Variants in ZC3HAV1 observed in about 807,000 individuals in gnomAD.
ZC3HAV1 encodes the protein zinc finger CCCH-type containing, antiviral 1.
A neutral mutation model predicts 86.6 loss-of-function variants in ZC3HAV1; 41 were observed. The ratio of observed to expected loss-of-function variants is 0.47; its 90% CI spans 0.37 to 0.61. The LOEUF (loss-of-function observed/expected upper bound fraction) is 0.61. Among genes scored for constraint, ZC3HAV1 ranks in the 20% least tolerant of loss-of-function variants. ZC3HAV1 has a pLI of 0.00. For synonymous variants in ZC3HAV1, 421 were observed against 432.1 expected, an observed-to-expected ratio of 0.97 and a Z score of 0.32; for missense variants, 964 against 1,141.1, an observed-to-expected ratio of 0.84 and a Z score of 2.24.
intron 1 of ZC3HAV1, among the ~76,000 whole-genome samples, chr7:139,099,452 T>C (rs572666614): frequency 6.1e-4 from 93 of 152,264 alleles, no homozygotes; most frequent in Non-Finnish European, 5.6e-4. Context: ...AAAGGCCACA[T>C]ATTATTAGAT....
chr7:139,051,101 C>T (rs1394801485), intron 12 of ZC3HAV1, among the ~76,000 whole-genome samples: 3 of 149,212 alleles, frequency 2.0e-5, no homozygotes, highest in African/African-American at 4.9e-5. Context: ...GACGGAGTCT[C>T]GGCTGGTGTG....
Position 139,109,564 on chromosome 7 carries a change from C to G in ZC3HAV1, c.-233G>C, listed in dbSNP as rs530714308. ...CGGGTCCTAGTGGCAGGTTTACAGC[C>G]GGCCGCAAGGGCAACTGGGTGGAAA... On this transcript the variant is annotated 5_prime_UTR_variant, in exon 1 of 13. Transcript: ENST00000242351. 3.5e-5 allele frequency: 17 copies of G among 488,886 alleles called. No homozygotes were observed. The highest frequency in any genetic ancestry group is 2.8e-4 in the East Asian group (8 of 28,570). 30.3% of individuals were successfully genotyped at this position (488,886 alleles called of 1,614,324 possible).
At chr7:139,076,169 C>T in intron 6 of ZC3HAV1, 117 bp downstream of exon 6, 1 of 1,485,492 alleles carries the variant, frequency 6.7e-7, no homozygotes, top group Non-Finnish European at 9.1e-7. Flanking sequence ...AGGTATTTCA[C>T]ACTCGAATGG....
At chr7:139,063,733 A>G (rs1366050964) in intron 8 of ZC3HAV1, among the ~76,000 whole-genome samples, 4 of 151,566 alleles carry the variant, frequency 2.6e-5, no homozygotes, top group Admixed American at 2.0e-4. Flanking sequence ...CAAAAAAAAA[A>G]AAAAAAAAAA....
At chr7:139,073,760 G>A (rs1816849783) in intron 7 of ZC3HAV1, 96 bp downstream of exon 7, 2 of 1,298,500 alleles carry the variant, frequency 1.5e-6, no homozygotes, top group Non-Finnish European at 2.0e-6. Flanking sequence ...CAAAGTGCTG[G>A]GCTTACAGGC....
At chr7:139,083,696 C>T in intron 3 of ZC3HAV1, 84 bp downstream of exon 3, 2 of 1,464,500 alleles carry the variant, frequency 1.4e-6, no homozygotes, top group East Asian at 2.4e-5. Context: ...CACTGTACTC[C>T]AGCTTGGGTG....
chr7:139,062,148 T>C (rs993118749), intron 8 of ZC3HAV1, among the ~76,000 whole-genome samples: 2 of 152,176 alleles, frequency 1.3e-5, no homozygotes, highest in Admixed American at 1.3e-4. Flanking sequence ...AAATGTTCTA[T>C]ATCCTGCTTA....
chr7:139,098,465 C>G (rs1280140926), intron 1 of ZC3HAV1, among the ~76,000 whole-genome samples: 1 of 152,080 alleles, frequency 6.6e-6, no homozygotes, highest in Non-Finnish European at 1.5e-5. Context: ...CTTAGATGAC[C>G]TCTTTTAGCT....
intron 7 of ZC3HAV1, among the ~76,000 whole-genome samples, chr7:139,070,518 G>A (rs544418893): frequency 3.2e-4 from 48 of 151,836 alleles, no homozygotes; most frequent in African/African-American, 9.4e-4. Flanking sequence ...TAAAAAATTA[G>A]CTGGGCGCGG....
chr7:139,053,848 GCGC>G, intron 11 of ZC3HAV1, 114 bp downstream of exon 11: 1 of 1,113,960 alleles, frequency 9.0e-7, no homozygotes, highest in Non-Finnish European at 1.2e-6. Flanking sequence ...AAAAAGACTA[GCGC>G]CTAAAGGAAC....
At chr7:139,098,773 C>T (rs2130732648) in intron 1 of ZC3HAV1, among the ~76,000 whole-genome samples, 1 of 152,268 alleles carries the variant, frequency 6.6e-6, no homozygotes, top group East Asian at 1.9e-4. Context: ...GACCAGCTCC[C>T]CTGCTGCAAT....
chr7:139,053,392 G>A (rs900317736), intron 12 of ZC3HAV1, 59 bp downstream of exon 12: 4 of 1,486,316 alleles, frequency 2.7e-6, no homozygotes, highest in Non-Finnish European at 3.6e-6. Context: ...CCTAATAGAA[G>A]CACATATAAA....
rs1817705214 is a variant in ZC3HAV1, at chr7:139,100,042, A to G, written c.308+8982T>C. Among the ~76,000 whole-genome samples, 4 of 152,188 alleles carry G rather than the reference A, an allele frequency of 2.6e-5. No individual in the cohort carries two copies. In the South Asian group the frequency reaches 8.3e-4, roughly 31 times the overall value. ...ATACTTTATCTCAAAAAATAAATAA[A>G]AATAGTTTTAGCCATTTTTAAAATG... On this transcript the variant is annotated intron_variant, in intron 1 of 12. Coordinates refer to ENST00000242351, the MANE Select transcript of ZC3HAV1 (RefSeq NM_020119.4).
At chr7:139,071,021 TAG>T (rs1461153013) in intron 7 of ZC3HAV1, among the ~76,000 whole-genome samples, 1 of 151,468 alleles carries the variant, frequency 6.6e-6, no homozygotes, top group East Asian at 1.9e-4. Context: ...GATGTTTTAT[TAG>T]AGAACATGAT....
Position 139,102,938 on chromosome 7 carries a change from A to ATATATGTATATG in ZC3HAV1, c.308+6074_308+6085dup, listed in dbSNP as rs57404294. Among the ~76,000 whole-genome samples, 1,423 of 146,680 alleles carry ATATATGTATATG rather than the reference A, an allele frequency of 9.7e-3. 7 individuals are homozygous for ATATATGTATATG. The highest frequency in any genetic ancestry group is 0.014 in the African/African-American group (551 of 39,648). On this transcript the variant is annotated intron_variant, in intron 1 of 12. Coordinates refer to ENST00000242351, the MANE Select transcript of ZC3HAV1 (RefSeq NM_020119.4). ...TGTCTCAAAAAAAAAAAAAGTATAT[A>ATATATGTATATG]TATATGTATATGTATATGTATATGT...
At chr7:139,089,951 C>T (rs1817381866) in intron 1 of ZC3HAV1, among the ~76,000 whole-genome samples, 192 bp from the exon 2 acceptor site, 1 of 151,786 alleles carries the variant, frequency 6.6e-6, no homozygotes, top group South Asian at 2.1e-4. Flanking sequence ...CAGAGTTTTG[C>T]TCTTGTCACC....
Position 139,074,046 on chromosome 7 carries a change from A to G in ZC3HAV1, c.1698-16T>C, listed in dbSNP as rs1269156568. The G allele has an allele frequency of 6.2e-7, 1 of 1,605,832 alleles. No individual in the cohort carries two copies. The highest frequency in any genetic ancestry group is 1.1e-5 in the South Asian group (1 of 90,468). ...TACAGAACAGCTGAGAGAGAAAAGT[A>G]TTAAGTTAACATAATGCTTCATTGA... is the stretch of plus-strand genomic sequence containing the variant. On this transcript the variant is annotated splice_polypyrimidine_tract_variant and intron_variant, in intron 6 of 12. Transcript: ENST00000242351.
Position 139,049,555 on chromosome 7 carries a change from T to A in ZC3HAV1, c.2450-1702A>T, listed in dbSNP as rs566487095. On this transcript the variant is annotated intron_variant, in intron 12 of 12. Transcript: ENST00000242351. ...TGGTTTAGGAACACGGTGTGCTTCT[T>A]CAGGAAGATTGTCTCTATGTGGCAG... 3.3e-5 allele frequency: 5 copies of A among 152,640 alleles called. No homozygotes were observed. The East Asian group carries it at 9.6e-4, about 29-fold the overall frequency. The allele number at this position is 152,640 out of a possible 1,614,324, so 9.5% of individuals were successfully genotyped here.
At position 139,047,857 on chromosome 7, in the gene ZC3HAV1, G is replaced by C. The variant is rs762241811; in HGVS notation, c.2450-4C>G. On this transcript the variant is annotated splice_polypyrimidine_tract_variant and splice_region_variant and intron_variant, in intron 12 of 12. Transcript: ENST00000242351. ...GCATCTTTTGCAAAGTAAATTCCTA[G>C]AAAGAATCAGAAAGAAAAGTTAAGA... 14 of 1,604,570 alleles carry C rather than the reference G, an allele frequency of 8.7e-6. No homozygotes were observed. Among genetic ancestry groups the C allele is most frequent in the Non-Finnish European group, 1.2e-5 (14 of 1,178,280 alleles).
Sources: gnomAD v4.1 joint callset for allele counts (sites outside exome capture counted in the v4.1 genomes callset) on GRCh38, gnomAD v4.1.1 for gene constraint, MANE v1.5 for transcripts, NCBI Gene and HGNC (gene_info 2026-07-23, HGNC 2026-07-21) for gene names.